Variants in NCKAP5 observed in about 807,000 individuals in gnomAD.
The protein encoded by NCKAP5 is nck-associated protein 5.
Under a neutral mutation model 167.0 loss-of-function variants are expected in NCKAP5, and 92 were observed. The observed-to-expected ratio is 0.55, with a 90% CI of 0.47 to 0.66. NCKAP5 has a LOEUF of 0.66. NCKAP5 is among the 30% of genes least tolerant of loss of function. The probability of loss-of-function intolerance (pLI) is 0.00; values close to 1 mark genes in which losing one functional copy is unlikely to be tolerated. For synonymous variants in NCKAP5, 891 were observed against 877.4 expected, an observed-to-expected ratio of 1.02 and a Z score of -0.27; for missense variants, 2,378 against 2,315.0, an observed-to-expected ratio of 1.03 and a Z score of -0.56.
chr2:133,340,205 C>T (rs908698804), intron 3 of NCKAP5, among the ~76,000 whole-genome samples: 1 of 152,192 alleles, frequency 6.6e-6, no homozygotes, highest in African/African-American at 2.4e-5. Flanking sequence ...TTCACAACTA[C>T]CTTGAGCTGA....
Position 132,785,086 on chromosome 2 carries a change from G to A in NCKAP5, c.1725C>T (p.Leu575=), listed in dbSNP as rs925603386. The stretch of plus-strand genomic sequence containing the variant: ...CATCAGTGTCTGAAAGCTGGAGGTT[G>A]AGAGCCATGCGGCCATGGCCTTGGC... The part of the protein sequence containing the change: ...PQGQGHGRMA[L]NLQLSDTDDN... Residue 575 remains leucine, a synonymous_variant, in exon 14 of 20, where the codon CTC becomes CTT. Transcript: ENST00000409261. 1 of 1,614,078 alleles carries A rather than the reference G, an allele frequency of 6.2e-7. No individual in the cohort carries two copies. Among genetic ancestry groups the A allele is most frequent in the Non-Finnish European group, 8.5e-7 (1 of 1,179,902 alleles).
chr2:133,246,973 C>G (rs957966970), intron 4 of NCKAP5, among the ~76,000 whole-genome samples: 1 of 152,180 alleles, frequency 6.6e-6, no homozygotes, highest in African/African-American at 2.4e-5. Context: ...TTTTCAATAA[C>G]ATGAAATGAG....
At chr2:133,329,526 T>C (rs1401743177) in intron 3 of NCKAP5, among the ~76,000 whole-genome samples, 1 of 151,420 alleles carries the variant, frequency 6.6e-6, no homozygotes, top group African/African-American at 2.4e-5. Context: ...CTGACAAAAG[T>C]GGGGGGTATT....
the NCKAP5 span, among the ~76,000 whole-genome samples, chr2:133,649,976 AT>A: frequency 6.6e-6 from 1 of 152,190 alleles, no homozygotes; most frequent in South Asian, 2.1e-4. Context: ...ACCAAAAAAA[AT>A]AAATAAATAA....
intron 5 of NCKAP5, among the ~76,000 whole-genome samples, chr2:133,157,319 C>T (rs1243736882): frequency 6.6e-6 from 1 of 152,168 alleles, no homozygotes; most frequent in Non-Finnish European, 1.5e-5. Flanking sequence ...CTACATTCTT[C>T]TTCAGTGAGT....
chr2:133,051,909 G>A (rs2079619520), intron 6 of NCKAP5, among the ~76,000 whole-genome samples: 1 of 152,158 alleles, frequency 6.6e-6, no homozygotes, highest in South Asian at 2.1e-4. Flanking sequence ...TGAGAGAAGT[G>A]AGGTCTAGAG....
At chr2:132,960,939 C>T (rs543366772) in intron 8 of NCKAP5, among the ~76,000 whole-genome samples, 22 of 152,270 alleles carry the variant, frequency 1.4e-4, no homozygotes, top group South Asian at 6.2e-4. Context: ...TTCAAAAATA[C>T]GCTGATGGGG....
chr2:132,710,537 C>T (rs773882960), intron 19 of NCKAP5, among the ~76,000 whole-genome samples: 9 of 152,148 alleles, frequency 5.9e-5, no homozygotes, highest in Non-Finnish European at 1.2e-4. Context: ...TATCCAGTTT[C>T]TTTTAAAAAA....
intron 8 of NCKAP5, among the ~76,000 whole-genome samples, chr2:132,945,878 T>C (rs1278824460): frequency 6.6e-6 from 1 of 152,194 alleles, no homozygotes; most frequent in Non-Finnish European, 1.5e-5. Flanking sequence ...TCTTTACTCA[T>C]TTCTACCATG....
At chr2:132,923,907 C>T (rs1374100085) in intron 8 of NCKAP5, among the ~76,000 whole-genome samples, 1 of 152,122 alleles carries the variant, frequency 6.6e-6, no homozygotes, top group Non-Finnish European at 1.5e-5. Context: ...GTCTGTCCTC[C>T]CCTAACCATA....
intron 11 of NCKAP5, among the ~76,000 whole-genome samples, chr2:132,849,678 T>A (rs962103778): frequency 2.6e-5 from 4 of 152,156 alleles, no homozygotes; most frequent in African/African-American, 4.8e-5. Flanking sequence ...TGGCCCGAGG[T>A]CACCTAGTCA....
chr2:133,648,288 A>G, the NCKAP5 span, among the ~76,000 whole-genome samples: 1 of 152,166 alleles, frequency 6.6e-6, no homozygotes, highest in Non-Finnish European at 1.5e-5. Flanking sequence ...AACTGAAGGG[A>G]GAAATAGCAA....
At position 133,242,157 on chromosome 2, in the gene NCKAP5, G is replaced by A. The variant is rs1344936409; in HGVS notation, c.144-28378C>T. Among the ~76,000 whole-genome samples the A allele has an allele frequency of 3.4e-5, 5 of 148,736 alleles. No homozygotes were observed. The East Asian group carries it at 9.8e-4, about 29-fold the overall frequency. ...AAAAAAAAAAGCAAAAATGACCAAGGCAAAATAGCTCCATTCTGAATTACA... is the reference window on the plus strand; with the variant it reads ...AAAAAAAAAAGCAAAAATGACCAAGACAAAATAGCTCCATTCTGAATTACA... On this transcript the variant is annotated intron_variant, in intron 4 of 19. Coordinates refer to ENST00000409261, the MANE Select transcript of NCKAP5 (RefSeq NM_207363.3).
At chr2:132,804,503 A>G (rs1262804623) in intron 11 of NCKAP5, among the ~76,000 whole-genome samples, 1 of 152,194 alleles carries the variant, frequency 6.6e-6, no homozygotes, top group Non-Finnish European at 1.5e-5. Context: ...TGCCTTTTAC[A>G]TGTGGGGGAA....
the NCKAP5 span, among the ~76,000 whole-genome samples, chr2:133,590,057 C>T: frequency 5.2e-4 from 79 of 152,102 alleles, 1 homozygote; most frequent in African/African-American, 1.8e-3. Flanking sequence ...TTTTGTTAAC[C>T]GGGGCTCCTC....
At chr2:133,340,047 A>C (rs565649348) in intron 3 of NCKAP5, among the ~76,000 whole-genome samples, 6 of 152,284 alleles carry the variant, frequency 3.9e-5, no homozygotes, top group African/African-American at 1.4e-4. Flanking sequence ...CACTCTCTTC[A>C]CTGGAGTTCT....
At chr2:132,925,450 T>A (rs1422152187) in intron 8 of NCKAP5, among the ~76,000 whole-genome samples, 1 of 150,972 alleles carries the variant, frequency 6.6e-6, no homozygotes, top group Non-Finnish European at 1.5e-5. Context: ...TAGTCCCAGC[T>A]ACTCTGGAGG....
At chr2:133,218,163 T>G (rs2086511712) in intron 4 of NCKAP5, among the ~76,000 whole-genome samples, 1 of 152,124 alleles carries the variant, frequency 6.6e-6, no homozygotes, top group African/African-American at 2.4e-5. Flanking sequence ...ATTAAAATAT[T>G]TATTAAATCA....
At chr2:132,985,591 T>C (rs1416956122) in intron 7 of NCKAP5, among the ~76,000 whole-genome samples, 1 of 152,228 alleles carries the variant, frequency 6.6e-6, no homozygotes, top group African/African-American at 2.4e-5. Flanking sequence ...GACCTGAATC[T>C]AAGCACACAC....
Sources: gnomAD v4.1 joint callset for allele counts (sites outside exome capture counted in the v4.1 genomes callset) on GRCh38, gnomAD v4.1.1 for gene constraint, MANE v1.5 for transcripts, NCBI Gene and HGNC (gene_info 2026-07-23, HGNC 2026-07-21) for gene names.